The following ZNF823 variants were observed in gnomAD, a reference collection of about 807,000 sequenced individuals.
The protein encoded by ZNF823 is zinc finger protein 823.
ZNF823 carries 5 observed loss-of-function variants against 11.4 expected under a neutral mutation model. That is an observed-to-expected ratio of 0.44 (90% CI 0.23 to 0.92). The LOEUF (loss-of-function observed/expected upper bound fraction) is 0.92. ZNF823 is among the 40% of genes least tolerant of loss of function. ZNF823 has a pLI of 0.24. For synonymous variants in ZNF823, 234 were observed against 250.5 expected (o/e 0.93, Z 0.62); for missense variants, 582 against 738.5 (o/e 0.79, Z 2.46).
rs555793264 is a variant in ZNF823, at chr19:11,736,570, T to G, written c.3+2247A>C. ...AAGAAATAAAATATAGGACTAAATA[T>G]GTAATGAGTTTGCTGAAACCCAACT... On this transcript the variant is annotated intron_variant, in intron 1 of 3. Transcript: ENST00000341191. Among the ~76,000 whole-genome samples the G allele has an allele frequency of 2.8e-4, 42 of 152,326 alleles. No homozygotes were observed. In the South Asian group the frequency reaches 6.2e-3, roughly 23 times the overall value.
chr19:11,728,368 G>A (rs1306905619), intron 1 of ZNF823, among the ~76,000 whole-genome samples: 1 of 152,174 alleles, frequency 6.6e-6, no homozygotes, highest in African/African-American at 2.4e-5. Context: ...TCAGAAATTA[G>A]GGTACTGAAA....
intron 1 of ZNF823, among the ~76,000 whole-genome samples, chr19:11,727,454 G>A (rs1188888749): frequency 6.6e-6 from 1 of 152,056 alleles, no homozygotes; most frequent in Non-Finnish European, 1.5e-5. Flanking sequence ...ATACTGCAAT[G>A]AGCCAAGATC....
chr19:11,727,952 C>CTCAT (rs1974823582), intron 1 of ZNF823, among the ~76,000 whole-genome samples: 1 of 65,502 alleles, frequency 1.5e-5, no homozygotes. Flanking sequence ...CAGTGTCTCG[C>CTCAT]TGCAAGCTCC....
intron 2 of ZNF823, 52 bp downstream of exon 2, chr19:11,725,149 C>T: frequency 6.3e-7 from 1 of 1,592,306 alleles, no homozygotes; most frequent in Non-Finnish European, 8.6e-7. Context: ...CGTTGATGGC[C>T]AGGAAACAAA....
intron 1 of ZNF823, among the ~76,000 whole-genome samples, chr19:11,735,754 C>T (rs1456909376): frequency 6.6e-6 from 1 of 152,012 alleles, no homozygotes; most frequent in African/African-American, 2.4e-5. Context: ...AAAAAAATAC[C>T]CATGTGTGAT....
intron 1 of ZNF823, among the ~76,000 whole-genome samples, chr19:11,732,310 A>G (rs1974913097): frequency 6.6e-6 from 1 of 151,968 alleles, no homozygotes; most frequent in Non-Finnish European, 1.5e-5. Context: ...GACTACAGGC[A>G]ACTGCCACCA....
Position 11,725,330 on chromosome 19 carries a change from G to A in ZNF823, c.4-3C>T. On this transcript the variant is annotated splice_region_variant and splice_polypyrimidine_tract_variant and intron_variant, in intron 1 of 3. Transcript: ENST00000341191. ...ACATCTTCAAAGGCCACTGAGTCCTGAAACATCCCACATGTGCAGAGGAGG... is the reference window on the plus strand; with the variant it reads ...ACATCTTCAAAGGCCACTGAGTCCTAAAACATCCCACATGTGCAGAGGAGG... The A allele has an allele frequency of 6.2e-7, 1 of 1,613,738 alleles. No homozygotes were observed. The highest frequency in any genetic ancestry group is 8.5e-7 in the Non-Finnish European group (1 of 1,179,746).
At chr19:11,727,967 C>T (rs1974824036) in intron 1 of ZNF823, among the ~76,000 whole-genome samples, 1 of 111,610 alleles carries the variant, frequency 9.0e-6, no homozygotes, top group African/African-American at 3.8e-5. Context: ...AGCTCCGCCT[C>T]CTGGGTTCAC....
Position 11,738,842 on chromosome 19 carries a change from G to A in ZNF823, c.-23C>T, listed in dbSNP as rs1169331371. Reference sequence around the variant, plus strand: ...CATTTCCCAGCTTCCAGGTGTCCGGGTGTCCTCCTTAAAAGCCAGTGTGGG... The same window carrying A: ...CATTTCCCAGCTTCCAGGTGTCCGGATGTCCTCCTTAAAAGCCAGTGTGGG... On this transcript the variant is annotated 5_prime_UTR_variant, in exon 1 of 4. Transcript: ENST00000341191. 1 of 1,608,064 alleles carries A rather than the reference G, an allele frequency of 6.2e-7. No homozygotes were observed. The highest frequency in any genetic ancestry group is 8.5e-7 in the Non-Finnish European group (1 of 1,177,340).
In ZNF823 at chr19:11,721,479, G is replaced by A; in HGVS notation, c.*222C>T. ...CACAGTATACTGGAAGATATGCATAGGTTACATGCAAATATGCCATATAAC... is the reference window on the plus strand; with the variant it reads ...CACAGTATACTGGAAGATATGCATAAGTTACATGCAAATATGCCATATAAC... On this transcript the variant is annotated 3_prime_UTR_variant, in exon 4 of 4. Transcript: ENST00000341191. The A allele has an allele frequency of 1.9e-6, 1 of 514,874 alleles. No homozygotes were observed. The highest frequency in any genetic ancestry group is 3.4e-6 in the Non-Finnish European group (1 of 291,496). The allele number at this position is 514,874 out of a possible 1,614,324, so 31.9% of individuals were successfully genotyped here. A position where few individuals can be genotyped will look rare whatever the true frequency, so the allele number is the denominator to read the frequency against.
intron 2 of ZNF823, among the ~76,000 whole-genome samples, chr19:11,724,792 C>T (rs1267657178): frequency 6.6e-6 from 1 of 151,784 alleles, no homozygotes; most frequent in African/African-American, 2.4e-5. Flanking sequence ...GATCTCCTGA[C>T]CTCATGATCT....
intron 1 of ZNF823, among the ~76,000 whole-genome samples, chr19:11,736,534 A>C (rs1209903425): frequency 1.3e-5 from 2 of 152,198 alleles, no homozygotes; most frequent in African/African-American, 2.4e-5. Context: ...AAAGTAAATA[A>C]AAGTTTTAAA....
intron 1 of ZNF823, among the ~76,000 whole-genome samples, chr19:11,731,746 A>G (rs1203319233): frequency 2.0e-5 from 3 of 152,194 alleles, no homozygotes; most frequent in African/African-American, 7.2e-5. Flanking sequence ...GCAGTGGCTC[A>G]CGCCTGTAAT....
Position 11,721,385 on chromosome 19 carries a change from ACAAT to A in ZNF823, c.*312_*315del, listed in dbSNP as rs1404609199. The A allele has an allele frequency of 5.8e-5, 13 of 224,650 alleles. No homozygotes were observed. The East Asian group carries it at 1.3e-3, about 23-fold the overall frequency. The allele number at this position is 224,650 out of a possible 1,614,324, so 13.9% of individuals were successfully genotyped here. A position where few individuals can be genotyped will look rare whatever the true frequency, so the allele number is the denominator to read the frequency against. On this transcript the variant is annotated 3_prime_UTR_variant, in exon 4 of 4. Coordinates refer to ENST00000341191, the MANE Select transcript of ZNF823 (RefSeq NM_001080493.4). Reference sequence around the variant, plus strand: ...TTCTTGTCATGATTCTCTAAACAATACAATCAAACAACTATTTACATAGCTTTTA... The same window carrying A: ...TTCTTGTCATGATTCTCTAAACAATACAAACAACTATTTACATAGCTTTTA...
In ZNF823 at chr19:11,721,874, G is replaced by A. The variant is rs1247774630; in HGVS notation, c.1660C>T (p.Pro554Ser). ...RHERIHTGEK[P>S]YECLQCGKAF... ...TTACCACATTGTAGACATTCATAGG[G>A]TTTCTCTCCAGTGTGAATTCTTTCA... The change falls in exon 4 of 4, where the codon CCC becomes TCC. Residue 554 changes from proline to serine, a missense_variant. Around this residue, in one of 3 missense-constraint regions of ZNF823, gnomAD observed 144 missense variants for 154.3 expected, o/e 0.93. Transcript: ENST00000341191. 3 of 1,613,812 alleles carry A rather than the reference G, an allele frequency of 1.9e-6. No individual in the cohort carries two copies. Among genetic ancestry groups the A allele is most frequent in the African/African-American group, 1.3e-5 (1 of 74,838 alleles).
chr19:11,735,880 A>G (rs1461758656), intron 1 of ZNF823, among the ~76,000 whole-genome samples: 1 of 152,250 alleles, frequency 6.6e-6, no homozygotes, highest in African/African-American at 2.4e-5. Context: ...CCGTTTCAGA[A>G]AACAAATGTC....
In ZNF823 at chr19:11,721,615, T is replaced by C; in HGVS notation, c.*86A>G. Reference sequence around the variant, plus strand: ...AAACTACTTAAGGCTTTATCCCATGTTTACATTCATAGGGTCTATCTCCAA... The same window carrying C: ...AAACTACTTAAGGCTTTATCCCATGCTTACATTCATAGGGTCTATCTCCAA... On this transcript the variant is annotated 3_prime_UTR_variant, in exon 4 of 4. Transcript: ENST00000341191. The C allele has an allele frequency of 7.5e-7, 1 of 1,326,256 alleles. No homozygotes were observed. The highest frequency in any genetic ancestry group is 1.0e-6 in the Non-Finnish European group (1 of 970,650). 82.2% of individuals were successfully genotyped at this position (1,326,256 alleles called of 1,614,324 possible).
intron 1 of ZNF823, among the ~76,000 whole-genome samples, chr19:11,732,243 C>T (rs1444819158): frequency 1.4e-5 from 2 of 147,306 alleles, no homozygotes; most frequent in African/African-American, 5.0e-5. Flanking sequence ...CGGCTCACTG[C>T]AAGCTCCGCC....
Position 11,723,124 on chromosome 19 carries a change from G to T in ZNF823, c.410C>A (p.Thr137Lys). ...EHQEYGEKPY[T>K]HKQRGKAISH... is the part of the protein sequence containing the mutation. Reference sequence around the variant, plus strand: ...GATGGCTTTCCCACGTTGTTTATGTGTATATGGCTTCTCTCCATATTCCTG... The same window carrying T: ...GATGGCTTTCCCACGTTGTTTATGTTTATATGGCTTCTCTCCATATTCCTG... Residue 137 changes from threonine to lysine, a missense_variant, in exon 4 of 4, where the codon ACA (threonine) becomes AAA (lysine). By Grantham distance (78) the Thr-to-Lys change is moderately conservative. Transcript: ENST00000341191. 6.2e-7 allele frequency: 1 copy of T among 1,614,140 alleles called. No individual in the cohort carries two copies. The highest frequency in any genetic ancestry group is 8.5e-7 in the Non-Finnish European group (1 of 1,180,018).
Sources: gnomAD v4.1 joint callset for allele counts (sites outside exome capture counted in the v4.1 genomes callset) on GRCh38, gnomAD v4.1.1 for gene constraint, gnomAD v4.1.1 regional missense constraint, MANE v1.5 for transcripts, NCBI Gene and HGNC (gene_info 2026-07-23, HGNC 2026-07-21) for gene names.